CACNA1C: variants seen among roughly 807,000 people sequenced by gnomAD.
The protein encoded by CACNA1C is calcium voltage-gated channel subunit alpha1 C.
A neutral mutation model predicts 229.0 loss-of-function variants in CACNA1C; 30 were observed. The observed-to-expected ratio is 0.13, with a 90% CI of 0.10 to 0.18. CACNA1C has a LOEUF of 0.18. Ranked by LOEUF, CACNA1C falls within the 10% of genes least tolerant of loss-of-function variation. CACNA1C has a pLI of 1.00. For synonymous variants in CACNA1C, 1,114 were observed against 1,132.5 expected, an observed-to-expected ratio of 0.98 and a Z score of 0.33; for missense variants, 1,658 against 2,845.0, an observed-to-expected ratio of 0.58 and a Z score of 9.49.
rs549218597 is a variant in CACNA1C at position 2,656,087 on chromosome 12, G to A, written c.4232+849G>A. The stretch of plus-strand genomic sequence containing the variant: ...TCTATTCAACATAATAATACTGGAA[G>A]TCCTAGCCAGAGCAATTAAGCAAGT... On this transcript the variant is annotated intron_variant, in intron 34 of 46. Transcript: ENST00000399655. Among the ~76,000 whole-genome samples the A allele has an allele frequency of 3.3e-5, 5 of 152,286 alleles. No individual in the cohort carries two copies. In the South Asian group the frequency reaches 1.0e-3, roughly 32 times the overall value.
At chr12:2,648,331 G>A in intron 30 of CACNA1C, 144 bp from the exon 31 acceptor site, 1 of 755,558 alleles carries the variant, frequency 1.3e-6, no homozygotes, top group African/African-American at 1.7e-5. Flanking sequence ...GGACCTGCCA[G>A]GCCTACGCTT....
chr12:2,474,508 A>G (rs369268101), intron 5 of CACNA1C, among the ~76,000 whole-genome samples: 6 of 152,198 alleles, frequency 3.9e-5, no homozygotes, highest in Admixed American at 1.3e-4. Flanking sequence ...TAATCCCAGC[A>G]CTTTGGGAGG....
chr12:2,681,633 C>A (rs1205181330), intron 42 of CACNA1C, among the ~76,000 whole-genome samples: 1 of 152,188 alleles, frequency 6.6e-6, no homozygotes, highest in Non-Finnish European at 1.5e-5. Context: ...CCTCCCCTCC[C>A]AGTCCTCCTG....
At chr12:2,515,756 C>T (rs2099795346) in intron 9 of CACNA1C, among the ~76,000 whole-genome samples, 2 of 152,110 alleles carry the variant, frequency 1.3e-5, no homozygotes, top group Admixed American at 6.5e-5. Context: ...GCTGCAAAAG[C>T]CACCAAGGAG....
rs192972671 is a variant in CACNA1C, at chr12:2,669,995, A to T, written c.4726+960A>T. 4.6e-5 allele frequency among the ~76,000 whole-genome samples: 7 copies of T among 152,326 alleles called. No homozygotes were observed. In the East Asian group the frequency reaches 1.3e-3, roughly 29 times the overall value. ...ATACCATTTCTCTCCAAGAGTGTCCAGCCTTGGAGTGTCTAGTGTTTCTTA... is the reference window on the plus strand; with the variant it reads ...ATACCATTTCTCTCCAAGAGTGTCCTGCCTTGGAGTGTCTAGTGTTTCTTA... On this transcript the variant is annotated intron_variant, in intron 38 of 46. Transcript: ENST00000399655.
chr12:2,195,364 G>A (rs1566302228), intron 3 of CACNA1C, among the ~76,000 whole-genome samples: 1 of 152,170 alleles, frequency 6.6e-6, no homozygotes, highest in Non-Finnish European at 1.5e-5. Context: ...ACTCACTGGG[G>A]CTCATGGCTG....
chr12:2,652,895 C>T (rs1018039707), intron 32 of CACNA1C, among the ~76,000 whole-genome samples: 1 of 151,672 alleles, frequency 6.6e-6, no homozygotes, highest in Non-Finnish European at 1.5e-5. Context: ...CTCTCCCTGC[C>T]CCCCCGACAT....
intron 42 of CACNA1C, chr12:2,682,023 T>TG: frequency 6.2e-7 from 1 of 1,610,552 alleles, no homozygotes; most frequent in Non-Finnish European, 8.5e-7. Flanking sequence ...TCAGGCTCAC[T>TG]GCCTTCTGCT....
intron 3 of CACNA1C, among the ~76,000 whole-genome samples, chr12:2,177,601 CTTCCTTCCT>C: frequency 1.0e-5 from 1 of 96,456 alleles, no homozygotes; most frequent in African/African-American, 5.1e-5. Flanking sequence ...TCCTTCCTTC[CTTCCTTCCT>C]TCCTTCCTTC....
At chr12:2,267,405 C>T (rs1457211835) in intron 3 of CACNA1C, among the ~76,000 whole-genome samples, 1 of 152,138 alleles carries the variant, frequency 6.6e-6, no homozygotes, top group East Asian at 1.9e-4. Flanking sequence ...GGGAACAAAG[C>T]CTTCTTGTAC....
chr12:2,196,986 AG>A (rs1294923903), intron 3 of CACNA1C, among the ~76,000 whole-genome samples: 2 of 152,216 alleles, frequency 1.3e-5, no homozygotes, highest in Non-Finnish European at 2.9e-5. Context: ...AGAACCTGTT[AG>A]CCACCTGCCT....
chr12:2,380,895 A>G (rs911047301), intron 3 of CACNA1C, among the ~76,000 whole-genome samples: 4 of 152,182 alleles, frequency 2.6e-5, no homozygotes, highest in African/African-American at 9.7e-5. Context: ...GCAGAGGCAC[A>G]TCACCAAGGA....
chr12:2,195,954 G>A (rs929928825), intron 3 of CACNA1C, among the ~76,000 whole-genome samples: 2 of 152,160 alleles, frequency 1.3e-5, no homozygotes, highest in African/African-American at 4.8e-5. Flanking sequence ...CTGGAGCATC[G>A]CTGGCAGAGG....
chr12:2,232,323 G>A (rs1323955278), intron 3 of CACNA1C, among the ~76,000 whole-genome samples: 1 of 139,078 alleles, frequency 7.2e-6, no homozygotes, highest in East Asian at 2.3e-4. Flanking sequence ...CATGTAGAAT[G>A]TCTCTTAATC....
chr12:2,515,932 A>G (rs2154580057), intron 9 of CACNA1C, among the ~76,000 whole-genome samples: 1 of 152,326 alleles, frequency 6.6e-6, no homozygotes, highest in South Asian at 2.1e-4. Context: ...GCTCTCTGCC[A>G]GGCACTGCCA....
At chr12:2,076,411 C>A (rs2063204903) in intron 1 of CACNA1C, among the ~76,000 whole-genome samples, 1 of 152,132 alleles carries the variant, frequency 6.6e-6, no homozygotes, top group Non-Finnish European at 1.5e-5. Flanking sequence ...ACACATACAG[C>A]TCAGTGGCCA....
At chr12:2,234,589 G>A (rs530973418) in intron 3 of CACNA1C, among the ~76,000 whole-genome samples, 6 of 152,300 alleles carry the variant, frequency 3.9e-5, no homozygotes, top group African/African-American at 1.4e-4. Context: ...AGGGCCAGGG[G>A]CCAGATTGTG....
At chr12:2,293,351 C>G (rs2093697061) in intron 3 of CACNA1C, among the ~76,000 whole-genome samples, 3 of 152,290 alleles carry the variant, frequency 2.0e-5, no homozygotes, top group African/African-American at 7.2e-5. Context: ...CTGACTGGGA[C>G]AAGATGCAGG....
intron 1 of CACNA1C, among the ~76,000 whole-genome samples, chr12:1,981,688 A>G (rs1593023033): frequency 6.6e-6 from 1 of 152,210 alleles, no homozygotes; most frequent in South Asian, 2.1e-4. Context: ...CAAGTGCTCA[A>G]TAACAAATGA....
Sources: allele counts gnomAD v4.1 joint callset (sites outside exome capture counted in the v4.1 genomes callset), GRCh38; gene constraint gnomAD v4.1.1; transcripts MANE v1.5; gene names NCBI Gene and HGNC (gene_info 2026-07-23, HGNC 2026-07-21).